RPS6KC1: variants seen among roughly 807,000 people sequenced by gnomAD.
RPS6KC1 encodes the protein inactive ribosomal protein S6 kinase delta-1.
RPS6KC1 carries 54 observed loss-of-function variants against 103.8 expected under a neutral mutation model. The observed-to-expected ratio is 0.52, with a 90% CI of 0.42 to 0.65. The LOEUF is 0.65. Ranked by LOEUF, RPS6KC1 falls within the 30% of genes least tolerant of loss-of-function variation. The probability of loss-of-function intolerance (pLI) is 0.00; values close to 1 mark genes in which losing one functional copy is unlikely to be tolerated. For synonymous variants in RPS6KC1, 439 were observed against 438.7 expected (o/e 1.00, Z -0.01); for missense variants, 1,151 against 1,253.8 (o/e 0.92, Z 1.24).
At chr1:213,531,873 A>G in the RPS6KC1 span, among the ~76,000 whole-genome samples, 1 of 152,272 alleles carries the variant, frequency 6.6e-6, no homozygotes, top group Middle Eastern at 3.4e-3. Flanking sequence ...GAGCAATTCC[A>G]GTGCTGGACC....
chr1:213,237,902 T>C (rs1273179478), intron 10 of RPS6KC1, among the ~76,000 whole-genome samples: 1 of 152,110 alleles, frequency 6.6e-6, no homozygotes, highest in East Asian at 1.9e-4. Flanking sequence ...AAGGTTAATA[T>C]ATGTCTTTGG....
the RPS6KC1 span, among the ~76,000 whole-genome samples, chr1:213,662,968 A>G: frequency 6.6e-6 from 1 of 152,194 alleles, no homozygotes; most frequent in Non-Finnish European, 1.5e-5. Flanking sequence ...TGAATTTCCC[A>G]GCTAGAAGTA....
At chr1:213,370,810 A>G in the RPS6KC1 span, among the ~76,000 whole-genome samples, 199 of 152,232 alleles carry the variant, frequency 1.3e-3, no homozygotes, top group African/African-American at 4.5e-3. Flanking sequence ...GCCCTCTTCT[A>G]ATGCATTTCA....
rs575811201 is a variant in RPS6KC1, at chr1:213,108,454, A to G, written c.378+3885A>G. Among the ~76,000 whole-genome samples the G allele has an allele frequency of 7.2e-5, 11 of 152,208 alleles. No individual in the cohort carries two copies. The East Asian group carries it at 2.1e-3, about 29-fold the overall frequency. On this transcript the variant is annotated intron_variant, in intron 4 of 14. Coordinates refer to ENST00000366960, the MANE Select transcript of RPS6KC1 (RefSeq NM_012424.6). ...TTCTATTAATCTACGTGCCTGTCTT[A>G]TCCTAGAACCATACTGTCTTGATTA... is the stretch of plus-strand genomic sequence containing the variant.
chr1:213,567,266 G>T, the RPS6KC1 span, among the ~76,000 whole-genome samples: 1 of 152,134 alleles, frequency 6.6e-6, no homozygotes, highest in African/African-American at 2.4e-5. Context: ...GAGTTTGAGT[G>T]TGGATTGTGT....
the RPS6KC1 span, among the ~76,000 whole-genome samples, chr1:213,783,815 C>CAAAAAAAAAAAAAAAAAAAAAAAAAA: frequency 1.5e-5 from 1 of 65,992 alleles, no homozygotes; most frequent in African/African-American, 3.7e-5. Context: ...AAGATGTTGC[C>CAAAAAAAAAAAAAAAAAAAAAAAAAA]AAAAAAAAAA....
chr1:213,288,224 A>G, the RPS6KC1 span, among the ~76,000 whole-genome samples: 12 of 152,184 alleles, frequency 7.9e-5, no homozygotes, highest in Non-Finnish European at 1.5e-4. Context: ...CTTACTTGCT[A>G]GCTTATCTTC....
chr1:213,740,316 G>A, the RPS6KC1 span, among the ~76,000 whole-genome samples: 2 of 152,054 alleles, frequency 1.3e-5, no homozygotes, highest in South Asian at 4.2e-4. Flanking sequence ...GGGTTTGGCT[G>A]GTGAGTTAAA....
chr1:213,641,850 A>AAATG, the RPS6KC1 span, among the ~76,000 whole-genome samples: 1 of 151,034 alleles, frequency 6.6e-6, no homozygotes, highest in East Asian at 2.0e-4. Flanking sequence ...ATAAATAAAT[A>AAATG]AAGCAATGAA....
rs561669443 is a variant in RPS6KC1 at position 213,248,161 on chromosome 1, A to T, written c.2911+5503A>T. ...AGAGAAAGCAAATAAATATAGATGT[A>T]TATTTCAAAATAATAATGACATAAC... On this transcript the variant is annotated intron_variant, in intron 12 of 14. Transcript: ENST00000366960. 2.0e-5 allele frequency among the ~76,000 whole-genome samples: 3 copies of T among 152,292 alleles called. No individual in the cohort carries two copies. In the South Asian group the frequency reaches 6.2e-4, roughly 32 times the overall value.
chr1:213,440,593 T>TAAAAAAAAAAAAAAAAAA, the RPS6KC1 span, among the ~76,000 whole-genome samples: 1 of 100,382 alleles, frequency 1.0e-5, no homozygotes, highest in African/African-American at 4.0e-5. Flanking sequence ...TTAATGGAAC[T>TAAAAAAAAAAAAAAAAAA]AAAAAAAAAA....
the RPS6KC1 span, among the ~76,000 whole-genome samples, chr1:213,382,714 A>G: frequency 0.034 from 5,204 of 152,220 alleles, 142 homozygotes; most frequent in Non-Finnish European, 0.041. Context: ...TTTGGTTTTC[A>G]TCTCAGAGTT....
At chr1:213,134,766 G>A (rs767017441) in intron 6 of RPS6KC1, among the ~76,000 whole-genome samples, 1 of 152,114 alleles carries the variant, frequency 6.6e-6, no homozygotes, top group African/African-American at 2.4e-5. Context: ...GTAAGTTTAG[G>A]TTTGATAAAG....
chr1:213,840,901 G>T, the RPS6KC1 span: 1 of 152,146 alleles, frequency 6.6e-6, no homozygotes, highest in African/African-American at 2.4e-5. Flanking sequence ...TCACTGTGAT[G>T]AGAAGTGGGA....
chr1:213,242,520 A>G, intron 11 of RPS6KC1, 49 bp from the exon 12 acceptor site: 1 of 1,459,534 alleles, frequency 6.9e-7, no homozygotes, highest in Non-Finnish European at 9.6e-7. Context: ...ACTTCTGCAG[A>G]AAATGGAAGA....
chr1:213,592,130 A>G, the RPS6KC1 span, among the ~76,000 whole-genome samples: 5 of 152,312 alleles, frequency 3.3e-5, no homozygotes, highest in South Asian at 1.0e-3. Context: ...ATCAAAGACA[A>G]TGAAGATTGA....
the RPS6KC1 span, among the ~76,000 whole-genome samples, chr1:213,661,242 C>T: frequency 2.7e-4 from 41 of 152,268 alleles, no homozygotes; most frequent in African/African-American, 8.4e-4. Flanking sequence ...ATTACTGCTA[C>T]GTGAACTGGG....
chr1:213,207,666 T>C, intron 8 of RPS6KC1, among the ~76,000 whole-genome samples: 1 of 152,106 alleles, frequency 6.6e-6, no homozygotes, highest in Admixed American at 6.5e-5. Flanking sequence ...TAAATTTATA[T>C]ACCTTTTTTT....
At chr1:213,576,929 T>C in the RPS6KC1 span, among the ~76,000 whole-genome samples, 14 of 152,178 alleles carry the variant, frequency 9.2e-5, no homozygotes, top group Non-Finnish European at 1.5e-4. Context: ...GATAAGAAAG[T>C]GAAACAGCCT....
Sources: gnomAD v4.1 joint callset for allele counts (sites outside exome capture counted in the v4.1 genomes callset) on GRCh38, gnomAD v4.1.1 for gene constraint, MANE v1.5 for transcripts, NCBI Gene and HGNC (gene_info 2026-07-23, HGNC 2026-07-21) for gene names.